Variants in TDRD9 observed in about 807,000 individuals in gnomAD.
TDRD9 encodes the protein ATP-dependent RNA helicase TDRD9.
In TDRD9, 124 loss-of-function variants were observed where a neutral mutation model predicts 172.6. The observed-to-expected ratio is 0.72, with a 90% confidence interval of 0.62 to 0.83. The LOEUF is 0.83. Ranked by LOEUF, TDRD9 falls within the 40% of genes least tolerant of loss-of-function variation. The pLI, the probability that TDRD9 is intolerant of heterozygous loss-of-function variation, is 0.00. For synonymous variants in TDRD9, 619 were observed against 617.1 expected (o/e 1.00, Z -0.05); for missense variants, 1,479 against 1,714.1 (o/e 0.86, Z 2.42).
intron 20 of TDRD9, among the ~76,000 whole-genome samples, chr14:104,012,175 C>G (rs138368660): frequency 1.3e-5 from 2 of 152,172 alleles, no homozygotes; most frequent in Admixed American, 6.5e-5. Context: ...AAACTGTTAC[C>G]CTCATGGCCC....
intron 9 of TDRD9, among the ~76,000 whole-genome samples, chr14:103,993,438 T>C (rs2033946511): frequency 6.6e-6 from 1 of 152,220 alleles, no homozygotes; most frequent in Non-Finnish European, 1.5e-5. Flanking sequence ...TTGTGAACAG[T>C]TCTATAGTAG....
At chr14:103,940,618 A>G in intron 1 of TDRD9, 1 of 472,662 alleles carries the variant, frequency 2.1e-6, no homozygotes, top group Non-Finnish European at 3.7e-6. Context: ...TTTAGTTAAA[A>G]GCATACTATT....
At chr14:104,005,479 C>T (rs934271367) in intron 15 of TDRD9, 74 bp downstream of exon 15, 20 of 1,518,964 alleles carry the variant, frequency 1.3e-5, no homozygotes, top group Middle Eastern at 3.4e-4. Flanking sequence ...CAGTCTGTGC[C>T]TCACTTTCCC....
intron 32 of TDRD9, among the ~76,000 whole-genome samples, chr14:104,038,621 C>T (rs1166045172): frequency 3.3e-5 from 5 of 152,174 alleles, no homozygotes; most frequent in Non-Finnish European, 5.9e-5. Context: ...GTGTCCTCAG[C>T]ATGGTGGGTT....
At chr14:103,967,347 C>CAAAAAAA (rs11444885) in intron 5 of TDRD9, among the ~76,000 whole-genome samples, 9 of 49,732 alleles carry the variant, frequency 1.8e-4, no homozygotes, top group Admixed American at 3.1e-4. Flanking sequence ...ACTAAAAATA[C>CAAAAAAA]AAAAAAAAAA....
chr14:103,956,282 AC>A (rs1421267705), intron 2 of TDRD9, among the ~76,000 whole-genome samples: 1 of 150,846 alleles, frequency 6.6e-6, no homozygotes, highest in African/African-American at 2.4e-5. Flanking sequence ...TACTAAAAAT[AC>A]AAAAATTAGC....
chr14:104,021,783 CTG>C (rs1485505436), intron 23 of TDRD9, among the ~76,000 whole-genome samples: 2 of 152,100 alleles, frequency 1.3e-5, no homozygotes, highest in Non-Finnish European at 2.9e-5. Context: ...TTTTCTGTAT[CTG>C]TTTTATTTTA....
intron 20 of TDRD9, among the ~76,000 whole-genome samples, chr14:104,012,940 T>C (rs2034659828): frequency 1.3e-5 from 2 of 152,186 alleles, no homozygotes; most frequent in African/African-American, 4.8e-5. Context: ...TTTCTGATTT[T>C]ATTGCATTTT....
intron 13 of TDRD9, among the ~76,000 whole-genome samples, chr14:104,002,876 G>A (rs1186577936): frequency 1.3e-5 from 2 of 151,822 alleles, no homozygotes; most frequent in Non-Finnish European, 2.9e-5. Flanking sequence ...GACTACAGGC[G>A]CGCACCCCTA....
In TDRD9 at chr14:103,994,616, G is replaced by A. The variant is rs111578755; in HGVS notation, c.1320+13G>A. ...TGGGTACAGAAAGGTAGGAAAACTG[G>A]GAAGACAAGTTCTAAGCACTTTAGG... On this transcript the variant is annotated intron_variant, in intron 11 of 35. Coordinates refer to ENST00000409874, the MANE Select transcript of TDRD9 (RefSeq NM_153046.3). 1.4e-5 allele frequency: 23 copies of A among 1,606,004 alleles called. No homozygotes were observed. In the African/African-American group the frequency reaches 1.6e-4, roughly 11 times the overall value.
intron 1 of TDRD9, among the ~76,000 whole-genome samples, chr14:103,952,014 C>T (rs1344836628): frequency 4.6e-5 from 7 of 150,584 alleles, no homozygotes; most frequent in East Asian, 3.9e-4. Context: ...GTGATCCGCC[C>T]GCCTCGGCCT....
chr14:104,049,929 GA>G, intron 35 of TDRD9: 41 of 448,474 alleles, frequency 9.1e-5, no homozygotes, highest in South Asian at 1.7e-4. Context: ...TGTGAGTTGG[GA>G]AAAAAAGGTA....
intron 6 of TDRD9, among the ~76,000 whole-genome samples, chr14:103,972,316 A>C (rs1008772104): frequency 6.6e-6 from 1 of 150,516 alleles, no homozygotes; most frequent in Admixed American, 6.6e-5. Flanking sequence ...AAAAAAAAAA[A>C]CAAAAACAAA....
chr14:103,965,566 A>C lies in TDRD9; in HGVS notation c.642+12A>C. ...TGGTGGGCTACCAGGTGAGACTGGG[A>C]GGGAGGGAGGGACTAAGAGAGCCAG... is the stretch of plus-strand genomic sequence containing the variant. On this transcript the variant is annotated intron_variant, in intron 4 of 35. Coordinates refer to ENST00000409874, the MANE Select transcript of TDRD9 (RefSeq NM_153046.3). 2 of 595,490 alleles carry C rather than the reference A, an allele frequency of 3.4e-6. No homozygotes were observed. The highest frequency in any genetic ancestry group is 1.9e-5 in the African/African-American group (1 of 52,010). 36.9% of individuals were successfully genotyped at this position (595,490 alleles called of 1,614,324 possible).
rs1287186596 is a variant in TDRD9, at chr14:103,980,616, C to T, written c.1011+5063C>T. Among the ~76,000 whole-genome samples, 2 of 152,102 alleles carry T rather than the reference C, an allele frequency of 1.3e-5. No individual in the cohort carries two copies. Among genetic ancestry groups the T allele is most frequent in the African/African-American group, 4.8e-5 (2 of 41,428 alleles). ...GGCCTCCGGATAACTGCGGGCGGGC[C>T]TAACTGATGTCAAGCCCTCCACAAG... On this transcript the variant is annotated intron_variant, in intron 7 of 35. Coordinates refer to ENST00000409874, the MANE Select transcript of TDRD9 (RefSeq NM_153046.3). The surrounding 1 kb of genome is among the most constrained non-coding windows in gnomAD (Gnocchi z 4.5).
intron 23 of TDRD9, among the ~76,000 whole-genome samples, chr14:104,020,962 A>G (rs571091286): frequency 6.6e-6 from 1 of 152,018 alleles, no homozygotes; most frequent in Admixed American, 6.5e-5. Flanking sequence ...GGGGCAAGAG[A>G]GGGCATTTAT....
rs143504753 is a variant in TDRD9, at chr14:103,951,316, G to C, written c.216-4348G>C. Among the ~76,000 whole-genome samples, 196 of 152,272 alleles carry C rather than the reference G, an allele frequency of 1.3e-3. 1 individual carries two copies. Among genetic ancestry groups the C allele is most frequent in the African/African-American group, 4.5e-3 (185 of 41,534 alleles). On this transcript the variant is annotated intron_variant, in intron 1 of 35. Coordinates refer to ENST00000409874, the MANE Select transcript of TDRD9 (RefSeq NM_153046.3). ...GATGTTAAGCTTTTTGAAAAGTTCAGGTTAAACTTACTGTTGTTAGATTAA... is the reference window on the plus strand; with the variant it reads ...GATGTTAAGCTTTTTGAAAAGTTCACGTTAAACTTACTGTTGTTAGATTAA...
chr14:104,037,835 A>G (rs1488532007), intron 32 of TDRD9, among the ~76,000 whole-genome samples: 1 of 152,138 alleles, frequency 6.6e-6, no homozygotes, highest in African/African-American at 2.4e-5. Flanking sequence ...CTGTCCCCGG[A>G]GTGCGTCACT....
chr14:104,025,392 CT>C (rs1164237746), intron 25 of TDRD9, among the ~76,000 whole-genome samples, 171 bp from the exon 26 acceptor site: 5 of 152,196 alleles, frequency 3.3e-5, no homozygotes, highest in Non-Finnish European at 7.4e-5. Flanking sequence ...AGGGGACCCC[CT>C]CTTTTTGTCT....
Sources: gnomAD v4.1 joint callset for allele counts (sites outside exome capture counted in the v4.1 genomes callset) on GRCh38, gnomAD v4.1.1 for gene constraint, Gnocchi (gnomAD v3.1) non-coding constraint, MANE v1.5 for transcripts, NCBI Gene and HGNC (gene_info 2026-07-23, HGNC 2026-07-21) for gene names.